The following LRRTM4 variants were observed in gnomAD, a reference collection of about 807,000 sequenced individuals.
The protein encoded by LRRTM4 is leucine rich repeat transmembrane neuronal 4, also known as leucine-rich repeat transmembrane neuronal protein 4.
A neutral mutation model predicts 47.6 loss-of-function variants in LRRTM4; 25 were observed. The ratio of observed to expected loss-of-function variants is 0.53; its 90% CI spans 0.38 to 0.73. The LOEUF (loss-of-function observed/expected upper bound fraction) is 0.73, where lower values mean the gene tolerates loss of function less well. Ranked by LOEUF, LRRTM4 falls within the 30% of genes least tolerant of loss-of-function variation. LRRTM4 has a pLI of 0.00. For synonymous variants in LRRTM4, 311 were observed against 269.5 expected, an observed-to-expected ratio of 1.15 and a Z score of -1.51; for missense variants, 638 against 713.4, an observed-to-expected ratio of 0.89 and a Z score of 1.20.
intron 3 of LRRTM4, among the ~76,000 whole-genome samples, chr2:77,500,575 T>A (rs1383476770): frequency 2.0e-5 from 3 of 151,664 alleles, no homozygotes; most frequent in Non-Finnish European, 4.4e-5. Flanking sequence ...TTTCTCCTGT[T>A]TGCATAACAT....
At chr2:76,951,116 T>A (rs1042513916) in intron 3 of LRRTM4, among the ~76,000 whole-genome samples, 1 of 152,086 alleles carries the variant, frequency 6.6e-6, no homozygotes, top group East Asian at 1.9e-4. Flanking sequence ...AATGATAGAT[T>A]GGCTGCTCTG....
chr2:76,963,862 T>C (rs1329153718), intron 3 of LRRTM4, among the ~76,000 whole-genome samples: 1 of 150,666 alleles, frequency 6.6e-6, no homozygotes, highest in Non-Finnish European at 1.5e-5. Context: ...TAAGAGAATA[T>C]TACCATAATT....
chr2:76,783,570 C>G (rs12620459), intron 3 of LRRTM4, among the ~76,000 whole-genome samples: 14,232 of 152,012 alleles, frequency 0.094, 963 homozygotes, highest in East Asian at 0.28. Flanking sequence ...ATGGCAAACG[C>G]CTATTTAGTG....
In LRRTM4 at chr2:77,338,668, A is replaced by C. The variant is rs539083448; in HGVS notation, c.1551+179650T>G. Among the ~76,000 whole-genome samples, 9 of 152,228 alleles carry C rather than the reference A, an allele frequency of 5.9e-5. No individual in the cohort carries two copies. In the East Asian group the frequency reaches 1.5e-3, roughly 26 times the overall value. On this transcript the variant is annotated intron_variant, in intron 3 of 3. Transcript: ENST00000409884. ...TGTTGATGGGAATGTAAATTAATTTAGCCCTAATGGAAAGCAGTTTGGTGA... is the reference window on the plus strand; with the variant it reads ...TGTTGATGGGAATGTAAATTAATTTCGCCCTAATGGAAAGCAGTTTGGTGA...
intron 3 of LRRTM4, among the ~76,000 whole-genome samples, chr2:77,482,313 G>T (rs1185039392): frequency 6.6e-6 from 1 of 152,074 alleles, no homozygotes; most frequent in Non-Finnish European, 1.5e-5. Flanking sequence ...ATTGTAAATT[G>T]AATACCCTAC....
At chr2:76,939,006 G>A (rs1675046079) in intron 3 of LRRTM4, among the ~76,000 whole-genome samples, 1 of 151,876 alleles carries the variant, frequency 6.6e-6, no homozygotes, top group Non-Finnish European at 1.5e-5. Flanking sequence ...TTTGTGAGTA[G>A]GAGATTATGA....
chr2:76,804,180 G>T (rs1675845407), intron 3 of LRRTM4, among the ~76,000 whole-genome samples: 1 of 152,146 alleles, frequency 6.6e-6, no homozygotes, highest in South Asian at 2.1e-4. Context: ...TAAACCTGGA[G>T]ATGGTCTTGG....
chr2:77,522,049 T>C (rs1679535922), intron 1 of LRRTM4, 60 bp downstream of exon 1: 1 of 712,938 alleles, frequency 1.4e-6, no homozygotes, highest in African/African-American at 1.8e-5. Context: ...CTACAGCCCA[T>C]CTCGGAGGTA....
intron 3 of LRRTM4, among the ~76,000 whole-genome samples, chr2:77,137,201 A>C (rs1671971023): frequency 6.6e-6 from 1 of 151,888 alleles, no homozygotes; most frequent in Non-Finnish European, 1.5e-5. Flanking sequence ...AAATGAAGGA[A>C]AAAATGTTAA....
intron 3 of LRRTM4, among the ~76,000 whole-genome samples, chr2:77,106,512 T>C (rs574938227): frequency 1.4e-4 from 21 of 152,066 alleles, no homozygotes; most frequent in African/African-American, 4.6e-4. Flanking sequence ...CTTTGAGGGA[T>C]AGAAATACTG....
intron 3 of LRRTM4, among the ~76,000 whole-genome samples, chr2:76,880,704 G>T (rs1672905026): frequency 6.6e-6 from 1 of 152,118 alleles, no homozygotes; most frequent in Admixed American, 6.6e-5. Context: ...TCGATCCCTA[G>T]GCCCTGGATT....
At chr2:76,864,867 C>T (rs1672420671) in intron 3 of LRRTM4, among the ~76,000 whole-genome samples, 1 of 149,050 alleles carries the variant, frequency 6.7e-6, no homozygotes, top group African/African-American at 2.5e-5. Flanking sequence ...GCTGGGACTA[C>T]AGGTGAATGC....
intron 3 of LRRTM4, among the ~76,000 whole-genome samples, chr2:77,062,317 T>C (rs1322045908): frequency 1.3e-5 from 2 of 152,310 alleles, no homozygotes; most frequent in South Asian, 4.1e-4. Context: ...AAAGCATATG[T>C]CAGGGAGAAA....
At chr2:76,954,145 T>C (rs1374408833) in intron 3 of LRRTM4, among the ~76,000 whole-genome samples, 1 of 151,808 alleles carries the variant, frequency 6.6e-6, no homozygotes, top group Non-Finnish European at 1.5e-5. Context: ...TCAAAGTGTA[T>C]GGATCCCCAC....
chr2:77,438,393 A>ATT (rs70956631), intron 3 of LRRTM4, among the ~76,000 whole-genome samples: 1,188 of 100,138 alleles, frequency 0.012, 125 homozygotes, highest in African/African-American at 0.028. Flanking sequence ...GATCATGATA[A>ATT]TTTTTTTTTT....
chr2:77,049,029 T>C (rs1047775484), intron 3 of LRRTM4, among the ~76,000 whole-genome samples: 31 of 150,636 alleles, frequency 2.1e-4, no homozygotes, highest in African/African-American at 7.6e-4. Context: ...TTCATCTTTC[T>C]GTGCCTGGCT....
At position 76,792,307 on chromosome 2, in the gene LRRTM4, CTTTACACA is replaced by C. The variant is rs529513408; in HGVS notation, c.1552-43399_1552-43392del. Among the ~76,000 whole-genome samples the C allele has an allele frequency of 5.3e-5, 8 of 152,090 alleles. No homozygotes were observed. The South Asian group carries it at 1.7e-3, about 32-fold the overall frequency. The stretch of plus-strand genomic sequence containing the variant: ...TTAAGATGAAAGTCATAGGCTGCCA[CTTTACACA>C]TTAAGTTAAATACCAACCCCCAGAG... On this transcript the variant is annotated intron_variant, in intron 3 of 3. Transcript: ENST00000409884.
chr2:77,185,659 A>G (rs1159520318), intron 3 of LRRTM4, among the ~76,000 whole-genome samples: 1 of 152,160 alleles, frequency 6.6e-6, no homozygotes, highest in African/African-American at 2.4e-5. Flanking sequence ...TTTAAATTAC[A>G]GGAAAGATTG....
At chr2:76,753,593 T>C (rs1487222196) in intron 3 of LRRTM4, among the ~76,000 whole-genome samples, 1 of 152,154 alleles carries the variant, frequency 6.6e-6, no homozygotes, top group Non-Finnish European at 1.5e-5. Context: ...TTTTCAATTA[T>C]AGGGGTTCAT....
Sources: gnomAD v4.1 joint callset for allele counts (sites outside exome capture counted in the v4.1 genomes callset) on GRCh38, gnomAD v4.1.1 for gene constraint, MANE v1.5 for transcripts, NCBI Gene and HGNC (gene_info 2026-07-23, HGNC 2026-07-21) for gene names.